SPPL3: variants seen among roughly 807,000 people sequenced by gnomAD.
SPPL3 encodes signal peptide peptidase-like 3.
Under a neutral mutation model 42.4 loss-of-function variants are expected in SPPL3, and 5 were observed. The ratio of observed to expected loss-of-function variants is 0.12; its 90% CI spans 0.06 to 0.25. The LOEUF (loss-of-function observed/expected upper bound fraction) is 0.25, where lower values mean the gene tolerates loss of function less well. SPPL3 is among the 10% of genes least tolerant of loss of function. The pLI, the probability that SPPL3 is intolerant of heterozygous loss-of-function variation, is 1.00. For synonymous variants in SPPL3, 195 were observed against 181.8 expected (o/e 1.07, Z -0.58); for missense variants, 235 against 489.0 (o/e 0.48, Z 4.90).
chr12:120,766,007 A>G (rs775757658), intron 10 of SPPL3, among the ~76,000 whole-genome samples: 2 of 152,178 alleles, frequency 1.3e-5, no homozygotes, highest in Middle Eastern at 3.4e-3. Flanking sequence ...TTATTCCTCG[A>G]CCAGGTGGTG....
chr12:120,885,051 T>C (rs1873410487), intron 1 of SPPL3, among the ~76,000 whole-genome samples: 1 of 152,120 alleles, frequency 6.6e-6, no homozygotes, highest in Admixed American at 6.6e-5. Flanking sequence ...CTGCACTCAG[T>C]TGGGAACAAA....
At chr12:120,789,010 A>C (rs1422192277) in intron 3 of SPPL3, among the ~76,000 whole-genome samples, 1 of 152,188 alleles carries the variant, frequency 6.6e-6, no homozygotes, top group Non-Finnish European at 1.5e-5. Flanking sequence ...CCGTCTTTGT[A>C]ATGGCTTCTT....
In SPPL3 at chr12:120,764,250, T is replaced by C. The variant is rs778528596; in HGVS notation, c.*749A>G. The C allele has an allele frequency of 2.0e-5, 3 of 152,512 alleles. No homozygotes were observed. Among genetic ancestry groups the C allele is most frequent in the South Asian group, 2.1e-4 (1 of 4,830 alleles). The allele number at this position is 152,512 out of a possible 1,614,324, so 9.4% of individuals were successfully genotyped here. A position where few individuals can be genotyped will look rare whatever the true frequency, so the allele number is the denominator to read the frequency against. On this transcript the variant is annotated 3_prime_UTR_variant, in exon 11 of 11. Transcript: ENST00000353487. Reference sequence around the variant, plus strand: ...CATGCTCAAAACGACAGCAAGCCCCTGTCAGCTACACAGCGTGATCTTAGC... The same window carrying C: ...CATGCTCAAAACGACAGCAAGCCCCCGTCAGCTACACAGCGTGATCTTAGC...
At chr12:120,884,397 T>A (rs1284645608) in intron 1 of SPPL3, among the ~76,000 whole-genome samples, 2 of 152,106 alleles carry the variant, frequency 1.3e-5, no homozygotes, top group Non-Finnish European at 2.9e-5. Context: ...TGCTTTTGTG[T>A]AAAAAATGAT....
At chr12:120,856,890 G>C (rs1411861987) in intron 1 of SPPL3, among the ~76,000 whole-genome samples, 2 of 152,182 alleles carry the variant, frequency 1.3e-5, no homozygotes, top group Non-Finnish European at 2.9e-5. Flanking sequence ...AAGGTGAGCT[G>C]AACTAGGAAT....
At chr12:120,901,515 C>T (rs1873979993) in intron 1 of SPPL3, among the ~76,000 whole-genome samples, 2 of 145,714 alleles carry the variant, frequency 1.4e-5, no homozygotes, top group South Asian at 2.2e-4. Context: ...TGCTTGCACC[C>T]GGGAAGCGGA....
chr12:120,771,635 T>C (rs1316916358), intron 6 of SPPL3, among the ~76,000 whole-genome samples: 1 of 152,174 alleles, frequency 6.6e-6, no homozygotes, highest in African/African-American at 2.4e-5. Context: ...ACCCTTGTAG[T>C]CTAGGCCAGG....
chr12:120,812,166 G>T (rs537723439), intron 1 of SPPL3, among the ~76,000 whole-genome samples: 80 of 148,326 alleles, frequency 5.4e-4, no homozygotes, highest in African/African-American at 1.9e-3. Flanking sequence ...ACAGAGTCTT[G>T]CTCTGTTACC....
intron 1 of SPPL3, among the ~76,000 whole-genome samples, chr12:120,898,860 ATTT>A (rs1189567881): frequency 9.9e-5 from 15 of 152,244 alleles, no homozygotes; most frequent in Non-Finnish European, 2.1e-4. Flanking sequence ...TTATGATAGT[ATTT>A]TGGTAACAAA....
intron 7 of SPPL3, 23 bp downstream of exon 7, chr12:120,768,930 G>A (rs903803381): frequency 4.5e-6 from 7 of 1,572,110 alleles, no homozygotes; most frequent in Non-Finnish European, 6.1e-6. Flanking sequence ...AAGGGGAGGA[G>A]CTCCAAGGAC....
Position 120,851,372 on chromosome 12 carries a change from C to CA in SPPL3, c.24-40487dup, listed in dbSNP as rs559427865. ...ACTCATAGTCCAAACTGCAATCTAC[C>CA]AAAAAAAGTAGCCCACATCAGAGAT... On this transcript the variant is annotated intron_variant, in intron 1 of 10. Transcript: ENST00000353487. Among the ~76,000 whole-genome samples, 260 of 152,032 alleles carry CA rather than the reference C, an allele frequency of 1.7e-3. 2 individuals are homozygous for CA. The highest frequency in any genetic ancestry group is 6.0e-3 in the African/African-American group (249 of 41,480).
At position 120,835,503 on chromosome 12, in the gene SPPL3, T is replaced by C. The variant is rs575867935; in HGVS notation, c.24-24617A>G. On this transcript the variant is annotated intron_variant, in intron 1 of 10. Coordinates refer to ENST00000353487, the MANE Select transcript of SPPL3 (RefSeq NM_139015.5). Reference sequence around the variant, plus strand: ...ATCTATCCTCTGACCCACTGTGCTGTCACTCTTACAACAAAACGAAGGAAG... The same window carrying C: ...ATCTATCCTCTGACCCACTGTGCTGCCACTCTTACAACAAAACGAAGGAAG... 3.3e-5 allele frequency: 5 copies of C among 152,342 alleles called. No individual in the cohort carries two copies. In the South Asian group the frequency reaches 1.0e-3, roughly 32 times the overall value. 9.4% of individuals were successfully genotyped at this position (152,342 alleles called of 1,614,324 possible).
intron 1 of SPPL3, among the ~76,000 whole-genome samples, chr12:120,853,983 TACACACACACACACAC>T (rs58246859): frequency 4.5e-4 from 58 of 130,302 alleles, no homozygotes; most frequent in South Asian, 4.2e-3. Flanking sequence ...CACGCACACA[TACACACACACACACAC>T]ACACACACAC....
At chr12:120,845,908 A>ATCTAT (rs946260497) in intron 1 of SPPL3, among the ~76,000 whole-genome samples, 1 of 135,306 alleles carries the variant, frequency 7.4e-6, no homozygotes, top group East Asian at 2.1e-4. Flanking sequence ...CTATCTATCT[A>ATCTAT]TTTTTTTGAG....
intron 1 of SPPL3, among the ~76,000 whole-genome samples, chr12:120,871,892 T>A (rs191677274): frequency 6.6e-6 from 1 of 152,340 alleles, no homozygotes; most frequent in East Asian, 1.9e-4. Context: ...ATATTCCTTA[T>A]CTGAAATGCT....
At chr12:120,808,718 A>G (rs1870584662) in intron 2 of SPPL3, among the ~76,000 whole-genome samples, 1 of 152,208 alleles carries the variant, frequency 6.6e-6, no homozygotes, top group Admixed American at 6.5e-5. Context: ...GATAATTTGT[A>G]GAAAGTATTT....
At chr12:120,899,046 A>G (rs1331426782) in intron 1 of SPPL3, among the ~76,000 whole-genome samples, 2 of 152,194 alleles carry the variant, frequency 1.3e-5, no homozygotes, top group African/African-American at 2.4e-5. Context: ...AATATACAGG[A>G]AGAAAGGTGT....
intron 6 of SPPL3, chr12:120,769,981 T>C (rs1869057955): frequency 1.3e-5 from 2 of 151,746 alleles, no homozygotes; most frequent in African/African-American, 4.8e-5. Context: ...AATTTCTCTA[T>C]AGACCCCAAA....
At chr12:120,825,814 C>T (rs534111404) in intron 1 of SPPL3, among the ~76,000 whole-genome samples, 2 of 151,908 alleles carry the variant, frequency 1.3e-5, no homozygotes, top group Non-Finnish European at 2.9e-5. Flanking sequence ...AGACTAGAAT[C>T]AAGGAGACCA....
Sources: gnomAD v4.1 joint callset for allele counts (sites outside exome capture counted in the v4.1 genomes callset) on GRCh38, gnomAD v4.1.1 for gene constraint, MANE v1.5 for transcripts, NCBI Gene and HGNC (gene_info 2026-07-23, HGNC 2026-07-21) for gene names.